Variants in GFRA1 observed in about 807,000 individuals in gnomAD.
The protein encoded by GFRA1 is GDNF family receptor alpha 1.
Under a neutral mutation model 51.6 loss-of-function variants are expected in GFRA1, and 16 were observed. The ratio of observed to expected loss-of-function variants is 0.31; its 90% CI spans 0.21 to 0.47. GFRA1 has a LOEUF of 0.47. GFRA1 is among the 20% of genes least tolerant of loss of function. GFRA1 has a pLI of 1.00. For synonymous variants in GFRA1, 270 were observed against 241.3 expected (o/e 1.12, Z -1.10); for missense variants, 530 against 594.3 (o/e 0.89, Z 1.13).
At chr10:116,142,211 G>C (rs957733326) in intron 5 of GFRA1, among the ~76,000 whole-genome samples, 1 of 152,156 alleles carries the variant, frequency 6.6e-6, no homozygotes, top group Non-Finnish European at 1.5e-5. Context: ...AAGTGGTTGT[G>C]TTTGTTATAC....
intron 6 of GFRA1, among the ~76,000 whole-genome samples, chr10:116,105,665 A>G (rs1458131242): frequency 6.6e-6 from 1 of 152,230 alleles, no homozygotes; most frequent in Non-Finnish European, 1.5e-5. Context: ...TGGTTTAGCT[A>G]GTACAAAATG....
In GFRA1 at chr10:116,069,056, G is replaced by A. The variant is rs370251884; in HGVS notation, c.1198-3430C>T. On this transcript the variant is annotated intron_variant, in intron 9 of 10. Transcript: ENST00000355422. ...AGAAGGGCTGGCACAGTGTTCAGGG[G>A]CCCTTCAGTGAGCCTCACAGCCCTG... 1.9e-3 allele frequency among the ~76,000 whole-genome samples: 295 copies of A among 152,262 alleles called. 2 individuals are homozygous for A. Among genetic ancestry groups the A allele is most frequent in the African/African-American group, 6.8e-3 (281 of 41,538 alleles).
chr10:116,071,178 C>T (rs920070458), intron 9 of GFRA1, among the ~76,000 whole-genome samples: 1 of 152,132 alleles, frequency 6.6e-6, no homozygotes, highest in Admixed American at 6.5e-5. Context: ...GCTGGGCAAG[C>T]GTGCTTCTGA....
intron 4 of GFRA1, among the ~76,000 whole-genome samples, chr10:116,250,926 C>T (rs1030064775): frequency 2.0e-5 from 3 of 152,212 alleles, no homozygotes; most frequent in East Asian, 1.9e-4. Flanking sequence ...AGGCTTGGCC[C>T]GCCTGGGGTC....
intron 6 of GFRA1, among the ~76,000 whole-genome samples, chr10:116,120,879 G>GT (rs1300304138): frequency 3.9e-5 from 6 of 152,210 alleles, no homozygotes; most frequent in Admixed American, 6.5e-5. Flanking sequence ...CACACCCTGA[G>GT]TTTTTTCTCA....
intron 2 of GFRA1, 58 bp from the exon 3 acceptor site, chr10:116,271,173 G>A (rs1243205077): frequency 2.0e-6 from 3 of 1,488,116 alleles, no homozygotes. Context: ...GGCCGCCCCT[G>A]CTCCGGGCGA....
At chr10:116,111,666 C>T (rs1245330818) in intron 6 of GFRA1, among the ~76,000 whole-genome samples, 3 of 152,138 alleles carry the variant, frequency 2.0e-5, no homozygotes, top group Non-Finnish European at 4.4e-5. Flanking sequence ...GAGGGTGAAG[C>T]CATCAGCCTA....
intron 4 of GFRA1, among the ~76,000 whole-genome samples, chr10:116,227,272 G>C (rs1966365072): frequency 6.6e-6 from 1 of 152,206 alleles, no homozygotes; most frequent in Admixed American, 6.5e-5. Flanking sequence ...GCTGGGCCAA[G>C]AACCCCTACC....
intron 6 of GFRA1, among the ~76,000 whole-genome samples, chr10:116,106,461 C>A (rs116943976): frequency 0.01 from 1,552 of 152,310 alleles, 11 homozygotes; most frequent in Admixed American, 0.025. Context: ...GGACGTGTGT[C>A]CCCACCCAAA....
At chr10:116,142,852 A>G (rs966554422) in intron 5 of GFRA1, among the ~76,000 whole-genome samples, 1 of 152,210 alleles carries the variant, frequency 6.6e-6, no homozygotes, top group African/African-American at 2.4e-5. Flanking sequence ...TCCACTCATT[A>G]CATTCCAACA....
At chr10:116,095,618 A>C (rs774855034) in intron 7 of GFRA1, among the ~76,000 whole-genome samples, 19 of 152,204 alleles carry the variant, frequency 1.2e-4, no homozygotes, top group Admixed American at 7.9e-4. Flanking sequence ...CCTTCCAAAA[A>C]GTTGGGAGTA....
At chr10:116,156,071 T>C (rs1389450246) in intron 5 of GFRA1, among the ~76,000 whole-genome samples, 1 of 152,190 alleles carries the variant, frequency 6.6e-6, no homozygotes, top group African/African-American at 2.4e-5. Context: ...CTTTCGCCAC[T>C]GAAAGCAGGC....
intron 9 of GFRA1, among the ~76,000 whole-genome samples, chr10:116,086,682 G>A (rs1470036995): frequency 6.6e-6 from 1 of 152,312 alleles, no homozygotes; most frequent in Non-Finnish European, 1.5e-5. Context: ...CAGGATATGT[G>A]GAGACTGTGC....
chr10:116,097,929 C>T (rs1565573539), intron 6 of GFRA1, among the ~76,000 whole-genome samples: 3 of 152,168 alleles, frequency 2.0e-5, no homozygotes, highest in Non-Finnish European at 2.9e-5. Context: ...TCTAAGGAAG[C>T]GCATTATGCA....
chr10:116,125,463 G>A lies in GFRA1; in HGVS notation c.528C>T (p.Thr176=), dbSNP rs749237273. The A allele has an allele frequency of 6.2e-7, 1 of 1,614,062 alleles. No homozygotes were observed. The highest frequency in any genetic ancestry group is 2.2e-5 in the East Asian group (1 of 44,872). ...ICKKYRSAYI[T]PCTTSVSNDV... ...CGTTGGACACGCTGGTGGTGCACGG[G>A]GTGATGTACGCCGACCTGTACTTCT... Residue 176 remains threonine (T), a synonymous_variant, in exon 6 of 11, where the codon ACC becomes ACT. Coordinates refer to ENST00000355422, the MANE Select transcript of GFRA1 (RefSeq NM_005264.8).
intron 9 of GFRA1, among the ~76,000 whole-genome samples, chr10:116,086,279 G>T (rs1158353799): frequency 3.3e-5 from 5 of 152,128 alleles, no homozygotes; most frequent in African/African-American, 4.8e-5. Flanking sequence ...CCACCCCCAA[G>T]GAAGCATAGC....
chr10:116,210,987 A>G (rs1318767744), intron 5 of GFRA1, among the ~76,000 whole-genome samples: 10 of 152,140 alleles, frequency 6.6e-5, no homozygotes, highest in Admixed American at 6.5e-4. Flanking sequence ...CCAGAGCACA[A>G]TTGCTCTGCA....
chr10:116,198,934 T>A (rs1464021051), intron 5 of GFRA1, among the ~76,000 whole-genome samples: 1 of 152,136 alleles, frequency 6.6e-6, no homozygotes, highest in Non-Finnish European at 1.5e-5. Flanking sequence ...ATGACTGGTG[T>A]CCTCATAAGA....
rs141018821 is a variant in GFRA1, at chr10:116,082,165, C to T, written c.1197+7576G>A. 7.5e-3 allele frequency among the ~76,000 whole-genome samples: 1,146 copies of T among 152,254 alleles called. 7 individuals are homozygous for T. Among genetic ancestry groups the T allele is most frequent in the Non-Finnish European group, 0.013 (853 of 68,008 alleles). On this transcript the variant is annotated intron_variant, in intron 9 of 10. Transcript: ENST00000355422. ...TTGGTTAAAGAGATGTGGCGGGGAC[C>T]GTGGCAGCTAGTTCCACTCTGGTCA...
Sources: allele counts gnomAD v4.1 joint callset (sites outside exome capture counted in the v4.1 genomes callset), GRCh38; gene constraint gnomAD v4.1.1; transcripts MANE v1.5; gene names NCBI Gene and HGNC (gene_info 2026-07-23, HGNC 2026-07-21).